The following FYB1 variants were observed in gnomAD, a reference collection of about 807,000 sequenced individuals.
FYB1 encodes the protein FYN binding protein 1, also known as FYN-binding protein 1.
FYB1 carries 41 observed loss-of-function variants against 94.1 expected under a neutral mutation model. That is an observed-to-expected ratio of 0.44 (90% CI 0.34 to 0.57). The LOEUF (loss-of-function observed/expected upper bound fraction) is 0.57, where lower values mean the gene tolerates loss of function less well. Ranked by LOEUF, FYB1 falls within the 20% of genes least tolerant of loss-of-function variation. The pLI, the probability that FYB1 is intolerant of heterozygous loss-of-function variation, is 0.02. For missense variants in FYB1, 1,050 were observed against 976.8 expected (o/e 1.07, Z -1.00); for synonymous variants, 367 against 353.2 (o/e 1.04, Z -0.44).
intron 2 of FYB1, among the ~76,000 whole-genome samples, chr5:39,161,953 G>A (rs1042554283): frequency 3.3e-5 from 5 of 152,202 alleles, no homozygotes; most frequent in African/African-American, 1.2e-4. Flanking sequence ...CATACAATAT[G>A]TGGTTGTTTG....
At position 39,202,174 on chromosome 5, in the gene FYB1, C is replaced by A; in HGVS notation, c.787G>T (p.Val263Phe). 6.2e-7 allele frequency: 1 copy of A among 1,614,024 alleles called. No homozygotes were observed. Among genetic ancestry groups the A allele is most frequent in the Non-Finnish European group, 8.5e-7 (1 of 1,179,896 alleles). The stretch of plus-strand genomic sequence containing the variant: ...CCCCTGCTCGCAGCAGGTTTCAAAA[C>A]CACTCCAGGAAAGGGCAAACTTGAA... Reference protein sequence around the residue: ...EISSLPFPGVVLKPAASRGGP... With the variant: ...EISSLPFPGVFLKPAASRGGP... The change falls in exon 2 of 19, where the codon GTT (valine) becomes TTT (phenylalanine). Residue 263 changes from valine (V) to phenylalanine (F), a missense_variant. Physicochemically the swap from Val to Phe is conservative, Grantham distance 50 (BLOSUM62 -1). Transcript: ENST00000512982.
In FYB1 at chr5:39,209,189, C is replaced by T. The variant is rs1241636009; in HGVS notation, c.-27-6202G>A. Among the ~76,000 whole-genome samples, 8 of 152,116 alleles carry T rather than the reference C, an allele frequency of 5.3e-5. 1 individual carries two copies. In the South Asian group the frequency reaches 1.2e-3, roughly 24 times the overall value. ...ATTAGAAATTACCTCAAAACTACTC[C>T]GACTTAAGAGTTAACGGTTGCTGGC... On this transcript the variant is annotated intron_variant, in intron 1 of 18. Transcript: ENST00000512982.
At chr5:39,228,327 A>G (rs1216808471) in intron 1 of FYB1, among the ~76,000 whole-genome samples, 1 of 152,210 alleles carries the variant, frequency 6.6e-6, no homozygotes, top group Admixed American at 6.5e-5. Context: ...TCGTATTAGA[A>G]AGACTTTAAG....
intron 13 of FYB1, among the ~76,000 whole-genome samples, chr5:39,123,234 A>C (rs1397722405): frequency 6.6e-6 from 1 of 152,160 alleles, no homozygotes; most frequent in African/African-American, 2.4e-5. Context: ...TTCCTTTATA[A>C]AATCTCCCCC....
rs116344716 is a variant in FYB1, at chr5:39,172,675, T to C, written c.1136-19071A>G. Among the ~76,000 whole-genome samples the C allele has an allele frequency of 2.5e-3, 385 of 152,300 alleles. 1 individual carries two copies. Among genetic ancestry groups the C allele is most frequent in the African/African-American group, 9.0e-3 (376 of 41,568 alleles). On this transcript the variant is annotated intron_variant, in intron 2 of 18. Transcript: ENST00000512982. ...TCATGTGTATTCAGTGTTTAGCTCT[T>C]ACTTATAAGTGAGAACATAAGGCAT...
At chr5:39,126,800 T>G (rs1039375806) in intron 11 of FYB1, among the ~76,000 whole-genome samples, 1 of 151,050 alleles carries the variant, frequency 6.6e-6, no homozygotes, top group Non-Finnish European at 1.5e-5. Context: ...GGCTCACGCC[T>G]GTAATCCCAG....
intron 2 of FYB1, among the ~76,000 whole-genome samples, chr5:39,176,901 T>C (rs1337456274): frequency 2.0e-5 from 3 of 152,158 alleles, no homozygotes; most frequent in Admixed American, 6.5e-5. Flanking sequence ...CTAGGTTTCA[T>C]CTTGATAGGC....
intron 2 of FYB1, among the ~76,000 whole-genome samples, chr5:39,154,504 C>CTT (rs70982546): frequency 9.9e-5 from 14 of 141,406 alleles, no homozygotes; most frequent in South Asian, 2.2e-4. Flanking sequence ...AACCATTTTC[C>CTT]TTTTTTTTTT....
chr5:39,265,162 C>T (rs1006745050), intron 1 of FYB1, among the ~76,000 whole-genome samples: 3 of 151,950 alleles, frequency 2.0e-5, no homozygotes, highest in African/African-American at 7.3e-5. Flanking sequence ...ATGGAGAAAC[C>T]CCATCTCTAC....
intron 3 of FYB1, among the ~76,000 whole-genome samples, chr5:39,145,395 A>G (rs921942022): frequency 1.3e-5 from 2 of 152,202 alleles, no homozygotes; most frequent in African/African-American, 2.4e-5. Flanking sequence ...ACATCGCAAG[A>G]AGTTTCATTA....
At chr5:39,214,478 G>A (rs1371314887) in intron 1 of FYB1, among the ~76,000 whole-genome samples, 2 of 152,200 alleles carry the variant, frequency 1.3e-5, no homozygotes, top group African/African-American at 4.8e-5. Context: ...ACCAAAAGGT[G>A]GAAGCAAACC....
chr5:39,206,558 A>G (rs1445677396), intron 1 of FYB1, among the ~76,000 whole-genome samples: 1 of 152,232 alleles, frequency 6.6e-6, no homozygotes, highest in Non-Finnish European at 1.5e-5. Context: ...TAGAGTGGAA[A>G]GTAAGCCTTC....
At chr5:39,183,432 C>CT (rs1020085687) in intron 2 of FYB1, among the ~76,000 whole-genome samples, 16 of 152,144 alleles carry the variant, frequency 1.1e-4, no homozygotes, top group African/African-American at 3.9e-4. Context: ...TAGAGAAGCA[C>CT]TGGGTAGAGT....
intron 1 of FYB1, among the ~76,000 whole-genome samples, chr5:39,213,673 G>T (rs1167567275): frequency 2.6e-5 from 4 of 152,160 alleles, no homozygotes; most frequent in Admixed American, 2.6e-4. Context: ...TGTGTGTGTT[G>T]GTGTGGGGGT....
chr5:39,219,732 A>T (rs1048004106), upstream of FYB1: 3 of 323,484 alleles, frequency 9.3e-6, no homozygotes, highest in African/African-American at 6.7e-5. Context: ...CAGCCTGGAT[A>T]CTTCTGCTAA....
At chr5:39,142,420 T>C (rs1742273245) in intron 3 of FYB1, among the ~76,000 whole-genome samples, 1 of 152,150 alleles carries the variant, frequency 6.6e-6, no homozygotes, top group Non-Finnish European at 1.5e-5. Context: ...CATCCTTACC[T>C]TCTCTCTACT....
chr5:39,167,836 C>G (rs1744877512), intron 2 of FYB1, among the ~76,000 whole-genome samples: 2 of 152,200 alleles, frequency 1.3e-5, no homozygotes, highest in Non-Finnish European at 2.9e-5. Flanking sequence ...TCCTCATACC[C>G]TCTCCGTCAC....
At chr5:39,239,510 C>T (rs553860910) in intron 1 of FYB1, among the ~76,000 whole-genome samples, 10 of 152,114 alleles carry the variant, frequency 6.6e-5, no homozygotes, top group Non-Finnish European at 1.3e-4. Flanking sequence ...ATTCTATACA[C>T]CAACAACATC....
chr5:39,155,019 T>C (rs1743619797), intron 2 of FYB1, among the ~76,000 whole-genome samples: 1 of 152,242 alleles, frequency 6.6e-6, no homozygotes, highest in African/African-American at 2.4e-5. Context: ...ACCAACTGAA[T>C]GTAATTAGGC....
Sources: gnomAD v4.1 joint callset for allele counts (sites outside exome capture counted in the v4.1 genomes callset) on GRCh38, gnomAD v4.1.1 for gene constraint, MANE v1.5 for transcripts, NCBI Gene and HGNC (gene_info 2026-07-23, HGNC 2026-07-21) for gene names.